Variants in SNCAIP observed in about 807,000 individuals in gnomAD.
SNCAIP encodes synphilin-1.
Under a neutral mutation model 86.7 loss-of-function variants are expected in SNCAIP, and 43 were observed. That is an observed-to-expected ratio of 0.50 (90% CI 0.39 to 0.64). The LOEUF is 0.64. Among genes scored for constraint, SNCAIP ranks in the 30% least tolerant of loss-of-function variants. SNCAIP has a pLI of 0.00. For missense variants in SNCAIP, 981 were observed against 1,103.1 expected (o/e 0.89, Z 1.57); for synonymous variants, 417 against 427.2 (o/e 0.98, Z 0.29).
chr5:122,336,173 CAAGA>C (rs1319065663), intron 1 of SNCAIP, among the ~76,000 whole-genome samples: 7 of 151,166 alleles, frequency 4.6e-5, no homozygotes, highest in African/African-American at 7.3e-5. Context: ...TACTGGTTAT[CAAGA>C]GAGAGAGAGA....
At chr5:122,376,055 C>T (rs1430378448) in intron 1 of SNCAIP, among the ~76,000 whole-genome samples, 1 of 152,144 alleles carries the variant, frequency 6.6e-6, no homozygotes, top group Non-Finnish European at 1.5e-5. Flanking sequence ...TATTGGGCAC[C>T]ACCTTGACCT....
At chr5:122,402,987 A>T (rs985250443) in intron 2 of SNCAIP, among the ~76,000 whole-genome samples, 8 of 152,150 alleles carry the variant, frequency 5.3e-5, no homozygotes, top group African/African-American at 1.9e-4. Flanking sequence ...TATTTATTTT[A>T]TTTTAAAACA....
intron 4 of SNCAIP, 54 bp from the exon 5 acceptor site, chr5:122,425,298 A>G (rs1777135710): frequency 2.2e-6 from 3 of 1,394,772 alleles, no homozygotes; most frequent in Admixed American, 3.3e-5. Context: ...AAACTCCTAC[A>G]GGGTCTTGCT....
intron 3 of SNCAIP, among the ~76,000 whole-genome samples, chr5:122,408,281 C>T (rs1235984874): frequency 6.6e-6 from 1 of 152,172 alleles, no homozygotes; most frequent in Non-Finnish European, 1.5e-5. Flanking sequence ...CCAAGTAGGG[C>T]CGTCCATTCT....
chr5:122,444,907 G>A (rs909870582), intron 8 of SNCAIP, 175 bp downstream of exon 8: 12 of 673,642 alleles, frequency 1.8e-5, no homozygotes, highest in Middle Eastern at 3.9e-4. Flanking sequence ...TGCTGAAGAT[G>A]CCATCTCTGC....
At chr5:122,429,203 C>G (rs2152938577) in intron 5 of SNCAIP, among the ~76,000 whole-genome samples, 1 of 151,582 alleles carries the variant, frequency 6.6e-6, no homozygotes, top group African/African-American at 2.4e-5. Flanking sequence ...GTAAATGCCT[C>G]TATTAAAAGA....
intron 1 of SNCAIP, among the ~76,000 whole-genome samples, chr5:122,352,727 A>C (rs1760127319): frequency 6.6e-6 from 1 of 152,148 alleles, no homozygotes; most frequent in South Asian, 2.1e-4. Flanking sequence ...TCAACCATGG[A>C]TGGCCAGGTG....
chr5:122,425,205 T>C, intron 4 of SNCAIP, 147 bp from the exon 5 acceptor site: 1 of 735,668 alleles, frequency 1.4e-6, no homozygotes. Context: ...CAAAGAATAA[T>C]AGCAAGAAAC....
rs78495854 is a variant in SNCAIP, at chr5:122,434,037, C to T, written c.1296+1955C>T. On this transcript the variant is annotated intron_variant, in intron 6 of 10. Transcript: ENST00000261368. ...TTCAACTTAGGATGGGTTTATTGGG[C>T]CATAACCCCATTGTAAGTCAAAGAA... is the stretch of plus-strand genomic sequence containing the variant. Among the ~76,000 whole-genome samples the T allele has an allele frequency of 3.1e-3, 474 of 152,194 alleles. 4 individuals are homozygous for T. Among genetic ancestry groups the T allele is most frequent in the Non-Finnish European group, 5.5e-3 (372 of 67,994 alleles).
intron 1 of SNCAIP, among the ~76,000 whole-genome samples, chr5:122,347,917 T>G (rs1758946183): frequency 6.6e-6 from 1 of 152,144 alleles, no homozygotes. Context: ...CTAAAAGTGT[T>G]TCCCTTTTTA....
chr5:122,431,217 A>G (rs879690679), intron 5 of SNCAIP, among the ~76,000 whole-genome samples: 3 of 152,136 alleles, frequency 2.0e-5, no homozygotes, highest in Non-Finnish European at 2.9e-5. Flanking sequence ...TATTAAGTCA[A>G]ATATACAGCT....
chr5:122,410,908 T>C (rs1773988484), intron 3 of SNCAIP, among the ~76,000 whole-genome samples: 1 of 152,244 alleles, frequency 6.6e-6, no homozygotes, highest in Non-Finnish European at 1.5e-5. Context: ...CCTTTTTCTC[T>C]TGACTGGAAC....
chr5:122,438,844 C>A (rs187535544), intron 6 of SNCAIP, among the ~76,000 whole-genome samples: 16 of 152,288 alleles, frequency 1.1e-4, no homozygotes, highest in African/African-American at 3.4e-4. Context: ...TTGAAGCAAA[C>A]CAAATCACCA....
At chr5:122,397,875 A>G (rs1383088038) in intron 2 of SNCAIP, among the ~76,000 whole-genome samples, 1 of 152,204 alleles carries the variant, frequency 6.6e-6, no homozygotes, top group Non-Finnish European at 1.5e-5. Context: ...AAATAAAACT[A>G]AGGGAACTAA....
chr5:122,354,851 T>G (rs991230871), intron 1 of SNCAIP, among the ~76,000 whole-genome samples: 1 of 152,212 alleles, frequency 6.6e-6, no homozygotes, highest in East Asian at 1.9e-4. Context: ...ATGAGCCATA[T>G]TTTGTATTGC....
Position 122,423,652 on chromosome 5 carries a change from C to G in SNCAIP, c.915C>G (p.Ser305Arg), listed in dbSNP as rs150034341. The change falls in exon 4 of 11, where the codon AGC becomes AGG. Residue 305 changes from serine to arginine, a missense_variant. Ser to Arg is a moderately radical substitution (Grantham distance 110, BLOSUM62 -1). Transcript: ENST00000261368. ...EEQVSGLNRT[S>R]SQGPEERSEY... The stretch of plus-strand genomic sequence containing the variant: ...AGGTCAGTGGCCTAAACCGGACCAG[C>G]TCCCAAGGCCCAGAAGAAAGGAGTG... The G allele has an allele frequency of 6.2e-7, 1 of 1,612,176 alleles. No individual in the cohort carries two copies. Among genetic ancestry groups the G allele is most frequent in the Non-Finnish European group, 8.5e-7 (1 of 1,179,960 alleles).
At chr5:122,453,096 TA>T in intron 10 of SNCAIP, 1 of 694,476 alleles carries the variant, frequency 1.4e-6, no homozygotes. Flanking sequence ...CATCAGGGGA[TA>T]ACACCAAGGA....
chr5:122,435,641 A>G (rs1031861868), intron 6 of SNCAIP, among the ~76,000 whole-genome samples: 1 of 152,100 alleles, frequency 6.6e-6, no homozygotes, highest in African/African-American at 2.4e-5. Context: ...CTGTAGTTTA[A>G]ATATTTGCCC....
chr5:122,330,531 A>C (rs577072906), intron 1 of SNCAIP, among the ~76,000 whole-genome samples: 1 of 152,320 alleles, frequency 6.6e-6, no homozygotes, highest in East Asian at 1.9e-4. Flanking sequence ...AAATTTGCCT[A>C]GTTTTATATG....
Sources: gnomAD v4.1 joint callset for allele counts (sites outside exome capture counted in the v4.1 genomes callset) on GRCh38, gnomAD v4.1.1 for gene constraint, MANE v1.5 for transcripts, NCBI Gene and HGNC (gene_info 2026-07-23, HGNC 2026-07-21) for gene names.